Variants in STX11 observed in about 807,000 individuals in gnomAD.
STX11 encodes the protein syntaxin-11.
Under a neutral mutation model 19.9 loss-of-function variants are expected in STX11, and 21 were observed. That is an observed-to-expected ratio of 1.06 (90% CI 0.75 to 1.52). The LOEUF is 1.52. Among genes scored for constraint, STX11 ranks in the 40% most tolerant of loss-of-function variants. The probability of loss-of-function intolerance (pLI) is 0.00; values close to 1 mark genes in which losing one functional copy is unlikely to be tolerated. For synonymous variants in STX11, 193 were observed against 174.4 expected (o/e 1.11, Z -0.84); for missense variants, 438 against 405.9 (o/e 1.08, Z -0.68).
chr6:144,166,045 A>G (rs567817885), intron 1 of STX11, among the ~76,000 whole-genome samples: 3 of 152,214 alleles, frequency 2.0e-5, no homozygotes, highest in African/African-American at 7.2e-5. Flanking sequence ...AGGAGTATCT[A>G]CCCTTTGCTT....
rs1801810387 is a variant in STX11 at position 144,177,722 on chromosome 6, C to T, written c.-5-8901C>T. Among the ~76,000 whole-genome samples the T allele has an allele frequency of 1.3e-5, 2 of 152,140 alleles. No homozygotes were observed. The highest frequency in any genetic ancestry group is 2.1e-4 in the South Asian group (1 of 4,832). On this transcript the variant is annotated intron_variant, in intron 1 of 1. Coordinates refer to ENST00000367568, the MANE Select transcript of STX11 (RefSeq NM_003764.4). The surrounding 1 kb of genome is among the most constrained non-coding windows in gnomAD (Gnocchi z 4.4). The stretch of plus-strand genomic sequence containing the variant: ...CCAAGATTGCACCACTGCACTCCAG[C>T]CTGGGTGACAGAGGGAGACTCCGTC...
Position 144,181,883 on chromosome 6 carries a change from G to A in STX11, c.-5-4740G>A, listed in dbSNP as rs1801921175. Among the ~76,000 whole-genome samples, 3 of 152,096 alleles carry A rather than the reference G, an allele frequency of 2.0e-5. No homozygotes were observed. In the South Asian group the frequency reaches 6.2e-4, roughly 32 times the overall value. On this transcript the variant is annotated intron_variant, in intron 1 of 1. Transcript: ENST00000367568. ...GCAATACCCCCTTCCTTCCTTATTG[G>A]ATCTGGTTTTCAGTACAGATTATAT...
chr6:144,163,319 T>A (rs556204136), intron 1 of STX11, among the ~76,000 whole-genome samples: 157 of 152,336 alleles, frequency 1.0e-3, no homozygotes, highest in African/African-American at 3.8e-3. Flanking sequence ...ATGCCTGTAA[T>A]TCCAGCACTT....
intron 1 of STX11, 122 bp downstream of exon 1, chr6:144,150,825 C>A: frequency 1.3e-6 from 1 of 779,950 alleles, no homozygotes; most frequent in Non-Finnish European, 1.6e-6. Context: ...GCGGCTGTGC[C>A]TTAGGTGGGA....
the STX11 span, among the ~76,000 whole-genome samples, chr6:144,142,337 A>C: frequency 1.3e-5 from 2 of 152,158 alleles, no homozygotes; most frequent in South Asian, 4.1e-4. Context: ...TTCAAGGGAT[A>C]AAAACTGTGT....
At position 144,160,613 on chromosome 6, in the gene STX11, A is replaced by G. The variant is rs1562657866; in HGVS notation, c.-6+9910A>G. 6.6e-6 allele frequency among the ~76,000 whole-genome samples: 1 copy of G among 152,200 alleles called. No individual in the cohort carries two copies. Among genetic ancestry groups the G allele is most frequent in the Non-Finnish European group, 1.5e-5 (1 of 68,038 alleles). On this transcript the variant is annotated intron_variant, in intron 1 of 1. Transcript: ENST00000367568. This position sits in a 1 kb window ranked among gnomAD's most constrained non-coding sequence, Gnocchi z 4.3. Reference sequence around the variant, plus strand: ...ATTTAACCTATGAACCTCTACATTAAGTACTAAGAATACCAAACATTTGGC... The same window carrying G: ...ATTTAACCTATGAACCTCTACATTAGGTACTAAGAATACCAAACATTTGGC...
chr6:144,146,499 A>G (rs1352414955), upstream of STX11, among the ~76,000 whole-genome samples: 1 of 152,100 alleles, frequency 6.6e-6, no homozygotes, highest in Non-Finnish European at 1.5e-5. The surrounding 1 kb of genome is among the most constrained non-coding windows in gnomAD (Gnocchi z 4.4). Context: ...TTTAGTAGAG[A>G]CGGGGTTTCT....
rs993894968 is a variant in STX11, at chr6:144,167,963, T to TA, written c.-6+17268dup. ...CTTATTCACACATAAGTACTTATGGTAAAAAAAATAACATACCATTAATAC... is the reference window on the plus strand; with the variant it reads ...CTTATTCACACATAAGTACTTATGGTAAAAAAAAATAACATACCATTAATAC... On this transcript the variant is annotated intron_variant, in intron 1 of 1. Coordinates refer to ENST00000367568, the MANE Select transcript of STX11 (RefSeq NM_003764.4). This position sits in a 1 kb window ranked among gnomAD's most constrained non-coding sequence, Gnocchi z 5.0. 8.6e-5 allele frequency among the ~76,000 whole-genome samples: 13 copies of TA among 151,956 alleles called. No individual in the cohort carries two copies. Among genetic ancestry groups the TA allele is most frequent in the African/African-American group, 2.7e-4 (11 of 41,360 alleles).
rs1801453800 is a variant in STX11 at position 144,165,449 on chromosome 6, C to CT, written c.-6+14747dup. Among the ~76,000 whole-genome samples the CT allele has an allele frequency of 6.7e-6, 1 of 148,654 alleles. No individual in the cohort carries two copies. Among genetic ancestry groups the CT allele is most frequent in the Non-Finnish European group, 1.5e-5 (1 of 67,884 alleles). ...CAGCCTGGGCAACAAGAACGAAACT[C>CT]TGTCTCAAAAAAAAAAAGAAAAACA... On this transcript the variant is annotated intron_variant, in intron 1 of 1. Transcript: ENST00000367568. The surrounding 1 kb of genome is among the most constrained non-coding windows in gnomAD (Gnocchi z 5.8).
chr6:144,150,485 C>T, upstream of STX11: 1 of 985,184 alleles, frequency 1.0e-6, no homozygotes, highest in Non-Finnish European at 1.2e-6. Flanking sequence ...GTGGTCGCTT[C>T]CTAAGCGGCG....
At chr6:144,156,232 T>C (rs1317845119) in intron 1 of STX11, among the ~76,000 whole-genome samples, 1 of 151,844 alleles carries the variant, frequency 6.6e-6, no homozygotes. Flanking sequence ...ACGTGGCTAA[T>C]TTTGCATTTT....
intron 1 of STX11, among the ~76,000 whole-genome samples, chr6:144,156,212 G>T (rs1801160796): frequency 6.6e-6 from 1 of 151,728 alleles, no homozygotes; most frequent in South Asian, 2.1e-4. Flanking sequence ...TTACAGGGAT[G>T]CACCATCACA....
rs1272990362 is a variant in STX11, at chr6:144,156,021, T to C, written c.-6+5318T>C. On this transcript the variant is annotated intron_variant, in intron 1 of 1. Coordinates refer to ENST00000367568, the MANE Select transcript of STX11 (RefSeq NM_003764.4). Reference sequence around the variant, plus strand: ...TTCTTTCTTTCTTTCTTTCTCTCTTTCTCTCCTTCCTTCCTTCCTTCCTTC... The same window carrying C: ...TTCTTTCTTTCTTTCTTTCTCTCTTCCTCTCCTTCCTTCCTTCCTTCCTTC... Among the ~76,000 whole-genome samples, 882 of 130,796 alleles carry C rather than the reference T, an allele frequency of 6.7e-3. 40 individuals carry two copies. The highest frequency in any genetic ancestry group is 0.027 in the African/African-American group (738 of 27,126). 85.8% of individuals were successfully genotyped at this position (130,796 alleles called of 152,430 possible). A position where few individuals can be genotyped will look rare whatever the true frequency, so the allele number is the denominator to read the frequency against.
chr6:144,145,812 C>T (rs2128744476), upstream of STX11, among the ~76,000 whole-genome samples: 1 of 152,074 alleles, frequency 6.6e-6, no homozygotes, highest in East Asian at 1.9e-4. Context: ...GGAGGAGAGA[C>T]CAGGGAGTTA....
At chr6:144,150,294 C>T (rs900267715), upstream of STX11, among the ~76,000 whole-genome samples, 5 of 152,252 alleles carry the variant, frequency 3.3e-5, no homozygotes, top group African/African-American at 4.8e-5. Context: ...TCCCACTCCC[C>T]GCGCCGGTCC....
Position 144,183,259 on chromosome 6 carries a change from CT to C in STX11, c.-5-3359del, listed in dbSNP as rs1801949891. ...TGCACATTCTCTTTCTCCATAACTA[CT>C]TTTTATGCCTAACAGAGTATATATG... is the stretch of plus-strand genomic sequence containing the variant. On this transcript the variant is annotated intron_variant, in intron 1 of 1. Transcript: ENST00000367568. This position sits in a 1 kb window ranked among gnomAD's most constrained non-coding sequence, Gnocchi z 4.6. Among the ~76,000 whole-genome samples the C allele has an allele frequency of 6.6e-6, 1 of 152,186 alleles. No homozygotes were observed. The highest frequency in any genetic ancestry group is 1.5e-5 in the Non-Finnish European group (1 of 68,026).
At position 144,187,302 on chromosome 6, in the gene STX11, C is replaced by A. The variant is rs756608402; in HGVS notation, c.675C>A (p.His225Gln). 1 of 1,612,424 alleles carries A rather than the reference C, an allele frequency of 6.2e-7. No homozygotes were observed. The highest frequency in any genetic ancestry group is 1.7e-5 in the Admixed American group (1 of 60,026). Residue 225 changes from histidine (H) to glutamine (Q), a missense_variant, in exon 2 of 2, where the codon CAC becomes CAA. Transcript: ENST00000367568. The surrounding 1 kb of genome is among the most constrained non-coding windows in gnomAD (Gnocchi z 5.6). ...LRLESRIRDV[H>Q]ELFLQMAVLV... The stretch of plus-strand genomic sequence containing the variant: ...TGGAGAGCCGCATCCGCGACGTACA[C>A]GAGCTCTTCTTGCAGATGGCGGTGC...
upstream of STX11, among the ~76,000 whole-genome samples, chr6:144,146,464 C>A (rs1468791737): frequency 6.6e-6 from 1 of 152,146 alleles, no homozygotes; most frequent in Non-Finnish European, 1.5e-5. The surrounding 1 kb of genome is among the most constrained non-coding windows in gnomAD (Gnocchi z 4.4). Context: ...CATTATGTGC[C>A]ACCATGCCCG....
At position 144,181,592 on chromosome 6, in the gene STX11, C is replaced by CAA. The variant is rs145945304; in HGVS notation, c.-5-5007_-5-5006dup. Among the ~76,000 whole-genome samples, 386 of 65,370 alleles carry CAA rather than the reference C, an allele frequency of 5.9e-3. 2 individuals carry two copies. The highest frequency in any genetic ancestry group is 8.5e-3 in the Non-Finnish European group (290 of 34,242). 42.9% of individuals were successfully genotyped at this position (65,370 alleles called of 152,430 possible). On this transcript the variant is annotated intron_variant, in intron 1 of 1. Coordinates refer to ENST00000367568, the MANE Select transcript of STX11 (RefSeq NM_003764.4). ...CCTGGGCAACAGAGCAAGACCACCT[C>CAA]AAAAAAAAAAAAAAAAAAAAAAAAA...
Sources: allele counts gnomAD v4.1 joint callset (sites outside exome capture counted in the v4.1 genomes callset), GRCh38; gene constraint gnomAD v4.1.1; non-coding constraint Gnocchi (gnomAD v3.1); transcripts MANE v1.5; gene names NCBI Gene and HGNC (gene_info 2026-07-23, HGNC 2026-07-21).